The following LRIG2 variants were observed in gnomAD, a reference collection of about 807,000 sequenced individuals.
LRIG2 encodes leucine rich repeats and immunoglobulin like domains 2.
Under a neutral mutation model 107.8 loss-of-function variants are expected in LRIG2, and 93 were observed. The observed-to-expected ratio is 0.86, with a 90% CI of 0.73 to 1.03. The LOEUF is 1.03. Ranked by LOEUF, LRIG2 falls within the 50% of genes least tolerant of loss-of-function variation. LRIG2 has a pLI of 0.00. For synonymous variants in LRIG2, 471 were observed against 470.6 expected, an observed-to-expected ratio of 1.00 and a Z score of -0.01; for missense variants, 1,226 against 1,296.0, an observed-to-expected ratio of 0.95 and a Z score of 0.83.
chr1:113,073,290 C>T lies in LRIG2; in HGVS notation c.-117C>T, dbSNP rs1652783032. On this transcript the variant is annotated 5_prime_UTR_variant, in exon 1 of 18. Coordinates refer to ENST00000361127, the MANE Select transcript of LRIG2 (RefSeq NM_014813.3). ...CTTGCATGCCTTTAGATGGTACAGC[C>T]TTCAGCCGGGGCTTCGGGAGACAGT... is the stretch of plus-strand genomic sequence containing the variant. 3 of 862,288 alleles carry T rather than the reference C, an allele frequency of 3.5e-6. No homozygotes were observed. The highest frequency in any genetic ancestry group is 3.0e-5 in the South Asian group (2 of 65,896). The allele number at this position is 862,288 out of a possible 1,614,324, so 53.4% of individuals were successfully genotyped here. A position where few individuals can be genotyped will look rare whatever the true frequency, so the allele number is the denominator to read the frequency against.
rs1653813294 is a variant in LRIG2, at chr1:113,091,316, A to G, written c.240-2A>G. On this transcript the variant is annotated splice_acceptor_variant, in intron 1 of 17. Transcript: ENST00000361127. LOFTEE classifies it high-confidence loss of function. ...TAAGAATGATATTTTGTCCTCTTTC[A>G]GGGATTTCAGTCATAATCGGTTGTC... is the stretch of plus-strand genomic sequence containing the variant. The G allele has an allele frequency of 6.3e-7, 1 of 1,593,730 alleles. No homozygotes were observed. Among genetic ancestry groups the G allele is most frequent in the Non-Finnish European group, 8.6e-7 (1 of 1,164,882 alleles).
chr1:113,083,218 CTTTTT>C (rs11321902), intron 1 of LRIG2, among the ~76,000 whole-genome samples: 2 of 112,358 alleles, frequency 1.8e-5, no homozygotes, highest in Admixed American at 9.5e-5. Context: ...CTACTGCACA[CTTTTT>C]TTTTTTTTTT....
At chr1:113,092,797 C>G (rs1653884913) in intron 2 of LRIG2, among the ~76,000 whole-genome samples, 1 of 152,114 alleles carries the variant, frequency 6.6e-6, no homozygotes, top group Non-Finnish European at 1.5e-5. Context: ...TTGAGATCAG[C>G]TTGGCCAACA....
chr1:113,094,050 A>G (rs1380139278), intron 4 of LRIG2, among the ~76,000 whole-genome samples: 1 of 152,148 alleles, frequency 6.6e-6, no homozygotes, highest in Non-Finnish European at 1.5e-5. Context: ...AGGTAAATAG[A>G]GATTTGTTAA....
intron 12 of LRIG2, chr1:113,107,974 A>G (rs1570758200): frequency 1.9e-6 from 1 of 522,846 alleles, no homozygotes; most frequent in East Asian, 3.5e-5. Flanking sequence ...AGATTCCTGA[A>G]TCAAGCAATA....
chr1:113,114,617 G>T lies in LRIG2; in HGVS notation c.2271G>T (p.Gly757=). The T allele has an allele frequency of 6.2e-7, 1 of 1,614,082 alleles. No individual in the cohort carries two copies. Among genetic ancestry groups the T allele is most frequent in the Non-Finnish European group, 8.5e-7 (1 of 1,180,026 alleles). The change falls in exon 15 of 18, where the codon GGG becomes GGT. Residue 757 remains glycine, a synonymous_variant. Transcript: ENST00000361127. ...AGCTTCTCATCATTGTAGATGCCGG[G>T]CTAGAAGATGCTGGGAAATATACCT... The part of the protein sequence containing the change: ...ANQLLIIVDA[G]LEDAGKYTCI...
chr1:113,074,314 C>T (rs1212163431), intron 1 of LRIG2, among the ~76,000 whole-genome samples: 2 of 152,188 alleles, frequency 1.3e-5, no homozygotes, highest in African/African-American at 2.4e-5. Context: ...GTTTTCAGCG[C>T]ATCTTCTTGT....
intron 1 of LRIG2, among the ~76,000 whole-genome samples, chr1:113,088,746 AAC>A (rs1177286218): frequency 6.6e-6 from 1 of 152,210 alleles, no homozygotes; most frequent in Non-Finnish European, 1.5e-5. Context: ...CTTAAATTAA[AAC>A]AGTTGAATTT....
chr1:113,078,869 A>G (rs912254241), intron 1 of LRIG2, among the ~76,000 whole-genome samples: 2 of 151,866 alleles, frequency 1.3e-5, no homozygotes, highest in African/African-American at 4.8e-5. Context: ...CAAACTCCCA[A>G]CCTCAGGTGA....
In LRIG2 at chr1:113,129,340, G is replaced by T. The variant is rs1238425482; in HGVS notation, c.*5239G>T. ...AAAAAAAAAAAAAACCCGTGTAGGAGTACTGCCTCTCTGCTCTAGCAGTGG... is the reference window on the plus strand; with the variant it reads ...AAAAAAAAAAAAAACCCGTGTAGGATTACTGCCTCTCTGCTCTAGCAGTGG... On this transcript the variant is annotated 3_prime_UTR_variant, in exon 18 of 18. Coordinates refer to ENST00000361127, the MANE Select transcript of LRIG2 (RefSeq NM_014813.3). 2.7e-5 allele frequency: 4 copies of T among 145,560 alleles called. No homozygotes were observed. Among genetic ancestry groups the T allele is most frequent in the African/African-American group, 5.0e-5 (2 of 39,828 alleles). The allele number at this position is 145,560 out of a possible 1,614,324, so 9.0% of individuals were successfully genotyped here.
rs545482526 is a variant in LRIG2 at position 113,119,337 on chromosome 1, G to A, written c.2785G>A (p.Val929Ile). Residue 929 changes from valine (V) to isoleucine (I), a missense_variant, in exon 17 of 18, where the codon GTT becomes ATT. Around this residue, in one of 3 missense-constraint regions of LRIG2, gnomAD observed 642 missense variants for 712.2 expected, o/e 0.90. Transcript: ENST00000361127. ...CPYTYIAEED[V>I]LDQTLSSLMV... ...ATACACCTATATTGCTGAGGAGGACGTTCTTGATCAGACACTGTCCAGCCT... is the reference window on the plus strand; with the variant it reads ...ATACACCTATATTGCTGAGGAGGACATTCTTGATCAGACACTGTCCAGCCT... 225 of 1,613,964 alleles carry A rather than the reference G, an allele frequency of 1.4e-4. 2 individuals are homozygous for A. The South Asian group carries it at 1.6e-3, about 12-fold the overall frequency.
chr1:113,113,535 T>C (rs1570766250), intron 14 of LRIG2, among the ~76,000 whole-genome samples: 1 of 47,568 alleles, frequency 2.1e-5, no homozygotes, highest in African/African-American at 5.9e-5. Context: ...GTCATTTATT[T>C]ATTTATTTAT....
intron 1 of LRIG2, 116 bp from the exon 2 acceptor site, chr1:113,091,202 G>T (rs1188275405): frequency 3.4e-6 from 2 of 582,448 alleles, no homozygotes; most frequent in Non-Finnish European, 5.9e-6. Flanking sequence ...AGGATTACAG[G>T]CATGAGCCAC....
In LRIG2 at chr1:113,098,756, C is replaced by G. The variant is rs776893810; in HGVS notation, c.1143C>G (p.Ala381=). The G allele has an allele frequency of 6.2e-7, 1 of 1,611,628 alleles. No homozygotes were observed. Residue 381 remains alanine, a synonymous_variant, in exon 9 of 18, where the codon GCC becomes GCG. Transcript: ENST00000361127. ...GGGCCATAGAAGATGCTAGTGAAGC[C>G]TTTGCTGGACTCACAAGTCTCACTA... ...ISWAIEDASE[A]FAGLTSLTKL...
intron 17 of LRIG2, among the ~76,000 whole-genome samples, chr1:113,121,232 G>T (rs1655240278): frequency 6.6e-6 from 1 of 152,162 alleles, no homozygotes; most frequent in African/African-American, 2.4e-5. Context: ...AAGTGAGAAC[G>T]CAGTTTTGGG....
chr1:113,098,610 C>G (rs1290764062), intron 8 of LRIG2, 95 bp from the exon 9 acceptor site: 1 of 758,280 alleles, frequency 1.3e-6, no homozygotes, highest in African/African-American at 1.7e-5. Context: ...TCAGAATTAG[C>G]ATGTGTACCT....
At chr1:113,086,000 G>GTTTTTTTTTTTTT (rs34131524) in intron 1 of LRIG2, among the ~76,000 whole-genome samples, 1 of 65,002 alleles carries the variant, frequency 1.5e-5, no homozygotes, top group Non-Finnish European at 2.8e-5. Context: ...TAACCCTGAG[G>GTTTTTTTTTTTTT]TTTTTTTTTT....
chr1:113,122,929 G>T (rs1407590620), intron 17 of LRIG2, among the ~76,000 whole-genome samples: 1 of 152,082 alleles, frequency 6.6e-6, no homozygotes, highest in Non-Finnish European at 1.5e-5. Context: ...ATAATGTTTG[G>T]CTAGCTTTTT....
Position 113,121,344 on chromosome 1 carries a change from C to G in LRIG2, c.2971+1821C>G, listed in dbSNP as rs145937247. ...CTTGGCATTTGAAACAAAACTCTTT[C>G]TAAATCATGAAGAGTAATGCTGAGC... On this transcript the variant is annotated intron_variant, in intron 17 of 17. Coordinates refer to ENST00000361127, the MANE Select transcript of LRIG2 (RefSeq NM_014813.3). 2.2e-3 allele frequency among the ~76,000 whole-genome samples: 340 copies of G among 152,294 alleles called. 1 individual carries two copies. The highest frequency in any genetic ancestry group is 7.8e-3 in the African/African-American group (325 of 41,552).
Sources: gnomAD v4.1 joint callset for allele counts (sites outside exome capture counted in the v4.1 genomes callset) on GRCh38, gnomAD v4.1.1 for gene constraint, gnomAD v4.1.1 regional missense constraint, MANE v1.5 for transcripts, NCBI Gene and HGNC (gene_info 2026-07-23, HGNC 2026-07-21) for gene names.